Variants in KCNJ12 observed in about 807,000 individuals in gnomAD.
KCNJ12 encodes ATP-sensitive inward rectifier potassium channel 12.
KCNJ12 carries 2 observed loss-of-function variants against 22.3 expected under a neutral mutation model. That is an observed-to-expected ratio of 0.09 (90% CI 0.04 to 0.28). KCNJ12 has a LOEUF of 0.28. Ranked by LOEUF, KCNJ12 falls within the 10% of genes least tolerant of loss-of-function variation. KCNJ12 has a pLI of 1.00. For missense variants in KCNJ12, 155 were observed against 633.3 expected (o/e 0.24, Z 8.11); for synonymous variants, 117 against 261.4 (o/e 0.45, Z 5.33).
At chr17:21,414,786 G>A (rs1200636530) in intron 2 of KCNJ12, among the ~76,000 whole-genome samples, 1 of 152,310 alleles carries the variant, frequency 6.6e-6, no homozygotes, top group African/African-American at 2.4e-5. Context: ...CGCTGGAGGA[G>A]GCTGGGAGGT....
intron 1 of KCNJ12, among the ~76,000 whole-genome samples, chr17:21,379,841 T>G (rs1366449496): frequency 6.6e-6 from 1 of 151,928 alleles, no homozygotes; most frequent in Non-Finnish European, 1.5e-5. Flanking sequence ...GGTGCTGGGC[T>G]CGGGGCAGGA....
chr17:21,394,244 T>C (rs1464098932), intron 1 of KCNJ12, among the ~76,000 whole-genome samples: 1 of 152,244 alleles, frequency 6.6e-6, no homozygotes, highest in Non-Finnish European at 1.5e-5. Context: ...GTATTTTTGC[T>C]GTACTTTTTC....
chr17:21,384,132 C>T (rs72846621), intron 1 of KCNJ12, among the ~76,000 whole-genome samples: 5,197 of 152,184 alleles, frequency 0.034, 150 homozygotes, highest in Non-Finnish European at 0.054. Flanking sequence ...ATCTAAGTTG[C>T]CTTTTTTTAA....
At chr17:21,395,364 G>A (rs1905320218) in intron 1 of KCNJ12, among the ~76,000 whole-genome samples, 1 of 148,876 alleles carries the variant, frequency 6.7e-6, no homozygotes, top group Non-Finnish European at 1.5e-5. Context: ...GGAGGCCAAA[G>A]CAGGTGGATC....
chr17:21,415,153 T>G (rs1366782524), intron 2 of KCNJ12, 134 bp from the exon 3 acceptor site: 6 of 943,434 alleles, frequency 6.4e-6, no homozygotes, highest in Non-Finnish European at 9.4e-6. Flanking sequence ...GGAGCTGGCT[T>G]GGGCAAGACC....
intron 1 of KCNJ12, among the ~76,000 whole-genome samples, chr17:21,391,423 C>T (rs187394806): frequency 3.0e-4 from 46 of 152,328 alleles, no homozygotes; most frequent in African/African-American, 1.1e-3. Context: ...TTGCTGTACC[C>T]CCGGACCACA....
intron 1 of KCNJ12, among the ~76,000 whole-genome samples, chr17:21,379,591 G>C (rs1392571570): frequency 6.6e-6 from 1 of 152,232 alleles, no homozygotes; most frequent in Non-Finnish European, 1.5e-5. Flanking sequence ...GGCAGCTTGC[G>C]GGCAGCAGGA....
intron 1 of KCNJ12, among the ~76,000 whole-genome samples, chr17:21,389,342 T>C (rs1905151837): frequency 6.6e-6 from 1 of 152,182 alleles, no homozygotes; most frequent in East Asian, 1.9e-4. Flanking sequence ...GCTGGGGGCA[T>C]GGGCAGGGAG....
At chr17:21,386,307 C>T (rs1905067376) in intron 1 of KCNJ12, among the ~76,000 whole-genome samples, 1 of 152,098 alleles carries the variant, frequency 6.6e-6, no homozygotes, top group South Asian at 2.1e-4. Flanking sequence ...TTCACATGGT[C>T]TCCTCTCCCT....
At chr17:21,395,169 C>T (rs1905310517) in intron 1 of KCNJ12, among the ~76,000 whole-genome samples, 1 of 151,910 alleles carries the variant, frequency 6.6e-6, no homozygotes, top group Admixed American at 6.6e-5. Flanking sequence ...CTGGAGCATG[C>T]CTGTAGTCCT....
chr17:21,414,930 C>A (rs1403148522), intron 2 of KCNJ12, among the ~76,000 whole-genome samples: 5 of 152,304 alleles, frequency 3.3e-5, no homozygotes, highest in African/African-American at 1.2e-4. Context: ...GACTGGGGGG[C>A]CATGGGCAGA....
chr17:21,404,035 G>C (rs1207319631), intron 1 of KCNJ12, among the ~76,000 whole-genome samples: 1 of 152,210 alleles, frequency 6.6e-6, no homozygotes, highest in African/African-American at 2.4e-5. Flanking sequence ...CGGCCTCTGT[G>C]CCTGCACACG....
chr17:21,395,568 C>CAAAAAAAAAAAAAAAAAAAAAAAAA (rs10652801), intron 1 of KCNJ12, among the ~76,000 whole-genome samples: 10 of 48,140 alleles, frequency 2.1e-4, no homozygotes, highest in African/African-American at 9.2e-4. Flanking sequence ...GACTTCTTCT[C>CAAAAAAAAAAAAAAAAAAAAAAAAA]AAAAAAAAAA....
chr17:21,392,747 A>T (rs1316669570), intron 1 of KCNJ12, among the ~76,000 whole-genome samples: 2 of 152,252 alleles, frequency 1.3e-5, no homozygotes, highest in Non-Finnish European at 2.9e-5. Context: ...TGGTGGCCAC[A>T]GCATTTGGGC....
At chr17:21,404,507 G>C (rs1348859545) in intron 1 of KCNJ12, among the ~76,000 whole-genome samples, 1 of 152,244 alleles carries the variant, frequency 6.6e-6, no homozygotes, top group Admixed American at 6.5e-5. Flanking sequence ...TCAAGTCCTC[G>C]GTGCCCAGTG....
intron 1 of KCNJ12, among the ~76,000 whole-genome samples, chr17:21,407,885 T>C (rs1289585713): frequency 3.3e-5 from 5 of 152,238 alleles, no homozygotes; most frequent in African/African-American, 4.8e-5. Flanking sequence ...CATTCACCCA[T>C]CCATCCATCC....
chr17:21,404,402 C>T (rs1197997807), intron 1 of KCNJ12, among the ~76,000 whole-genome samples: 1 of 152,286 alleles, frequency 6.6e-6, no homozygotes, highest in Non-Finnish European at 1.5e-5. Context: ...CTCGCCTGGG[C>T]TCCCGAGGGC....
chr17:21,393,265 C>T (rs1905254006), intron 1 of KCNJ12, among the ~76,000 whole-genome samples: 1 of 152,126 alleles, frequency 6.6e-6, no homozygotes, highest in Admixed American at 6.5e-5. Flanking sequence ...TTTTCTGGGA[C>T]CCATGGTGCT....
At chr17:21,396,961 C>T (rs1458700906) in intron 1 of KCNJ12, among the ~76,000 whole-genome samples, 2 of 152,180 alleles carry the variant, frequency 1.3e-5, no homozygotes, top group Non-Finnish European at 2.9e-5. Flanking sequence ...GCACACTGTC[C>T]ATCAAGGTCA....
Sources: allele counts gnomAD v4.1 joint callset (sites outside exome capture counted in the v4.1 genomes callset), GRCh38; gene constraint gnomAD v4.1.1; transcripts MANE v1.5; gene names NCBI Gene and HGNC (gene_info 2026-07-23, HGNC 2026-07-21).